FERMT3: variants seen among roughly 807,000 people sequenced by gnomAD.
FERMT3 encodes fermitin family homolog 3.
In FERMT3, 33 loss-of-function variants were observed where a neutral mutation model predicts 80.8. That is an observed-to-expected ratio of 0.41 (90% confidence interval 0.31 to 0.55). The LOEUF (loss-of-function observed/expected upper bound fraction) is 0.55. FERMT3 is among the 20% of genes least tolerant of loss of function. The pLI, the probability that FERMT3 is intolerant of heterozygous loss-of-function variation, is 0.31. For synonymous variants in FERMT3, 375 were observed against 372.2 expected (o/e 1.01, Z -0.09); for missense variants, 754 against 908.7 (o/e 0.83, Z 2.19).
Position 64,220,615 on chromosome 11 carries a change from C to G in FERMT3, c.1491C>G (p.Leu497=), listed in dbSNP as rs749352888. The G allele has an allele frequency of 3.7e-6, 6 of 1,611,434 alleles. No homozygotes were observed. The highest frequency in any genetic ancestry group is 5.1e-6 in the Non-Finnish European group (6 of 1,179,332). ...PHGPDASAEG[L]NPYGLVAPRF... is the part of the protein sequence containing the mutation. ...GCCCTGATGCCTCTGCCGAGGGCCT[C>G]AACCCCTACGGCCTCGTTGCCCCCC... The change falls in exon 12 of 15, where the codon CTC becomes CTG. Residue 497 remains leucine, a synonymous_variant. Coordinates refer to ENST00000345728, the MANE Select transcript of FERMT3 (RefSeq NM_031471.6).
intron 13 of FERMT3, among the ~76,000 whole-genome samples, 182 bp from the exon 14 acceptor site, chr11:64,222,862 CAATT>C (rs1177287538): frequency 1.3e-5 from 2 of 152,208 alleles, no homozygotes; most frequent in Non-Finnish European, 2.9e-5. Context: ...GGGATTTTAT[CAATT>C]AACCCCCATT....
At chr11:64,208,581 G>A (rs1251614423) in intron 2 of FERMT3, among the ~76,000 whole-genome samples, 2 of 152,252 alleles carry the variant, frequency 1.3e-5, no homozygotes, top group Admixed American at 1.3e-4. Context: ...AGCAGCGGGT[G>A]AGACTGACCC....
intron 6 of FERMT3, among the ~76,000 whole-genome samples, chr11:64,217,045 G>A (rs1370051351): frequency 6.6e-6 from 1 of 152,260 alleles, no homozygotes; most frequent in African/African-American, 2.4e-5. Context: ...GAGACCCTGA[G>A]TGTGTGAGTA....
In FERMT3 at chr11:64,211,096, AAGAAGG is replaced by A; in HGVS notation, c.445_450del (p.Glu149_Lys150del). ...GCTGTCCCTGCTCCGGGCTCCTGAG[AAGAAGG>A]AGAAGAAGAAGAAAGAGAAGGAGCC... On this transcript the variant is annotated inframe_deletion, in exon 4 of 15. Transcript: ENST00000345728. This position sits in a 1 kb window ranked among gnomAD's most constrained non-coding sequence, Gnocchi z 4.7. The A allele has an allele frequency of 6.4e-7, 1 of 1,571,834 alleles. No homozygotes were observed. Among genetic ancestry groups the A allele is most frequent in the African/African-American group, 1.4e-5 (1 of 73,724 alleles).
At chr11:64,216,049 C>T (rs1946542063) in intron 6 of FERMT3, among the ~76,000 whole-genome samples, 1 of 152,032 alleles carries the variant, frequency 6.6e-6, no homozygotes, top group South Asian at 2.1e-4. Flanking sequence ...TCAGGCTGGT[C>T]TCACACTCCT....
In FERMT3 at chr11:64,223,654, C is replaced by CA. The variant is rs1946778201; in HGVS notation, c.*163dup. On this transcript the variant is annotated 3_prime_UTR_variant, in exon 15 of 15. Coordinates refer to ENST00000345728, the MANE Select transcript of FERMT3 (RefSeq NM_031471.6). ...GTGCAGGCCAAGGACCTGGCAGGGC[C>CA]AGACGCTGTACCATCACCCAGGCCA... The CA allele has an allele frequency of 1.1e-6, 1 of 930,220 alleles. No individual in the cohort carries two copies. The allele number at this position is 930,220 out of a possible 1,614,324, so 57.6% of individuals were successfully genotyped here.
At chr11:64,217,799 C>T (rs75420718) in intron 6 of FERMT3, among the ~76,000 whole-genome samples, 99 of 152,278 alleles carry the variant, frequency 6.5e-4, no homozygotes, top group African/African-American at 2.3e-3. Flanking sequence ...CCCATCAGAG[C>T]CTGCCAGGGG....
chr11:64,220,794 G>C, intron 12 of FERMT3, 125 bp downstream of exon 12: 1 of 1,268,526 alleles, frequency 7.9e-7, no homozygotes, highest in South Asian at 1.3e-5. Context: ...CTGTGTCCCT[G>C]AGATTGTGCG....
In FERMT3 at chr11:64,210,663, G is replaced by C. The variant is rs1200354303; in HGVS notation, c.213G>C (p.Gln71His). The C allele has an allele frequency of 1.2e-6, 2 of 1,614,014 alleles. No individual in the cohort carries two copies. Among genetic ancestry groups the C allele is most frequent in the African/African-American group, 2.7e-5 (2 of 74,918 alleles). Residue 71 changes from glutamine to histidine, a missense_variant, in exon 3 of 15, where the codon CAG becomes CAC. Transcript: ENST00000345728. The surrounding 1 kb of genome is among the most constrained non-coding windows in gnomAD (Gnocchi z 4.3). The stretch of plus-strand genomic sequence containing the variant: ...CTATTTGGTGGGAACAGAAGAGGCA[G>C]TGGCTGCTGCAGACCCACTGGACAC... The part of the protein sequence containing the change: ...DHAIWWEQKR[Q>H]WLLQTHWTLD...
chr11:64,216,795 CAAA>C (rs756054156), intron 6 of FERMT3, among the ~76,000 whole-genome samples: 1 of 35,170 alleles, frequency 2.8e-5, no homozygotes, highest in East Asian at 9.7e-4. Flanking sequence ...GACTCCATCT[CAAA>C]AAAAAAAAAA....
chr11:64,207,595 C>T (rs182893243), intron 2 of FERMT3, 71 bp downstream of exon 2: 18 of 1,534,072 alleles, frequency 1.2e-5, no homozygotes, highest in East Asian at 4.5e-5. Context: ...TGGGCACTTC[C>T]GGGCCATCCC....
At chr11:64,220,852 C>T (rs1399632374) in intron 12 of FERMT3, 164 bp from the exon 13 acceptor site, 3 of 1,406,252 alleles carry the variant, frequency 2.1e-6, no homozygotes, top group Admixed American at 1.8e-5. Flanking sequence ...TGCCCATGTC[C>T]ACCTTGCAGC....
intron 6 of FERMT3, among the ~76,000 whole-genome samples, chr11:64,214,801 A>G (rs1261622096): frequency 6.9e-6 from 1 of 145,312 alleles, no homozygotes; most frequent in Non-Finnish European, 1.5e-5. Context: ...GTGTTCTTTT[A>G]TAGGGTTTTT....
In FERMT3 at chr11:64,219,168, G is replaced by A; in HGVS notation, c.787-83G>A. On this transcript the variant is annotated intron_variant, in intron 6 of 14. Transcript: ENST00000345728. This position sits in a 1 kb window ranked among gnomAD's most constrained non-coding sequence, Gnocchi z 4.0. Reference sequence around the variant, plus strand: ...AAGGAGGGCAGGGCAGAGGGCCAAGGCTGGCAGGGGCTCAGTGCAGGGCGT... The same window carrying A: ...AAGGAGGGCAGGGCAGAGGGCCAAGACTGGCAGGGGCTCAGTGCAGGGCGT... 7.4e-7 allele frequency: 1 copy of A among 1,350,782 alleles called. No homozygotes were observed. Among genetic ancestry groups the A allele is most frequent in the Admixed American group, 2.0e-5 (1 of 50,678 alleles). 83.7% of individuals were successfully genotyped at this position (1,350,782 alleles called of 1,614,324 possible). A position where few individuals can be genotyped will look rare whatever the true frequency, so the allele number is the denominator to read the frequency against.
intron 6 of FERMT3, among the ~76,000 whole-genome samples, chr11:64,216,907 T>A (rs1946565097): frequency 6.6e-6 from 1 of 152,184 alleles, no homozygotes; most frequent in Admixed American, 6.5e-5. Context: ...ACCTGGCCTT[T>A]ATTTCCTCCA....
In FERMT3 at chr11:64,211,083, C is replaced by A; in HGVS notation, c.426C>A (p.Leu142=). The A allele has an allele frequency of 6.3e-7, 1 of 1,586,882 alleles. No homozygotes were observed. The highest frequency in any genetic ancestry group is 2.3e-5 in the East Asian group (1 of 43,072). ...GGCACCCCGAGGAGCTGTCCCTGCT[C>A]CGGGCTCCTGAGAAGAAGGAGAAGA... ...SIRHPEELSL[L]RAPEKKEKKK... Residue 142 remains leucine (L), a synonymous_variant, in exon 4 of 15, where the codon CTC becomes CTA. Transcript: ENST00000345728. The surrounding 1 kb of genome is among the most constrained non-coding windows in gnomAD (Gnocchi z 4.7).
intron 6 of FERMT3, among the ~76,000 whole-genome samples, chr11:64,213,857 G>A (rs1030942003): frequency 3.9e-5 from 6 of 152,012 alleles, no homozygotes; most frequent in Non-Finnish European, 5.9e-5. Context: ...CCACGGCGTC[G>A]GGCCAGCTGT....
chr11:64,214,058 G>C (rs1383208556), intron 6 of FERMT3, among the ~76,000 whole-genome samples: 3 of 151,970 alleles, frequency 2.0e-5, no homozygotes, highest in Non-Finnish European at 4.4e-5. Flanking sequence ...AAAACAATGT[G>C]ATATGGCTGT....
chr11:64,207,259 TGGGTGTGTCCAG>T (rs1230414026), intron 1 of FERMT3, 80 bp from the exon 2 acceptor site: 7 of 1,487,302 alleles, frequency 4.7e-6, no homozygotes, highest in Non-Finnish European at 6.5e-6. Context: ...GGCTTTCCTC[TGGGTGTGTCCAG>T]GGCATCACAG....
Sources: allele counts gnomAD v4.1 joint callset (sites outside exome capture counted in the v4.1 genomes callset), GRCh38; gene constraint gnomAD v4.1.1; non-coding constraint Gnocchi (gnomAD v3.1); transcripts MANE v1.5; gene names NCBI Gene and HGNC (gene_info 2026-07-23, HGNC 2026-07-21).